The following MDGA2 variants were observed in gnomAD, a reference collection of about 807,000 sequenced individuals.
The protein encoded by MDGA2 is MAM domain containing glycosylphosphatidylinositol anchor 2, also known as MAM domain-containing glycosylphosphatidylinositol anchor protein 2.
Under a neutral mutation model 117.8 loss-of-function variants are expected in MDGA2, and 40 were observed. The ratio of observed to expected loss-of-function variants is 0.34; its 90% CI spans 0.26 to 0.44. The LOEUF is 0.44. Among genes scored for constraint, MDGA2 ranks in the 20% least tolerant of loss-of-function variants. The pLI is 1.00. For missense variants in MDGA2, 1,123 were observed against 1,250.6 expected (o/e 0.90, Z 1.54); for synonymous variants, 452 against 439.0 (o/e 1.03, Z -0.37).
intron 1 of MDGA2, among the ~76,000 whole-genome samples, chr14:47,475,002 A>T (rs775421642): frequency 6.6e-6 from 1 of 152,228 alleles, no homozygotes; most frequent in Non-Finnish European, 1.5e-5. Flanking sequence ...TAAACTAAAG[A>T]GTTCCTGCAC....
chr14:47,293,007 GA>G (rs1888941412), intron 2 of MDGA2, among the ~76,000 whole-genome samples: 1 of 152,096 alleles, frequency 6.6e-6, no homozygotes, highest in African/African-American at 2.4e-5. Context: ...TGCCATTTCT[GA>G]AAATGGCAGT....
intron 1 of MDGA2, among the ~76,000 whole-genome samples, chr14:47,659,125 C>T (rs775496808): frequency 6.6e-6 from 1 of 152,170 alleles, no homozygotes; most frequent in Non-Finnish European, 1.5e-5. Context: ...AATCCTATCA[C>T]CCTGCTATGT....
intron 1 of MDGA2, among the ~76,000 whole-genome samples, chr14:47,333,965 T>G (rs1890367250): frequency 6.6e-6 from 1 of 151,842 alleles, no homozygotes; most frequent in African/African-American, 2.4e-5. Context: ...GTTCAGATAT[T>G]TCCTCTAGGA....
chr14:47,669,879 T>C (rs1259662082), intron 1 of MDGA2, among the ~76,000 whole-genome samples: 3 of 152,132 alleles, frequency 2.0e-5, no homozygotes, highest in Admixed American at 2.0e-4. Context: ...ATAATCAATA[T>C]ACCTTCGGAT....
chr14:47,131,402 G>A (rs1882198270), intron 5 of MDGA2, among the ~76,000 whole-genome samples: 1 of 151,884 alleles, frequency 6.6e-6, no homozygotes, highest in Non-Finnish European at 1.5e-5. Context: ...ATTTTTATAT[G>A]TAGAATCTAG....
chr14:47,140,041 C>G (rs1224645959), intron 4 of MDGA2, among the ~76,000 whole-genome samples: 2 of 151,616 alleles, frequency 1.3e-5, no homozygotes, highest in African/African-American at 4.8e-5. Flanking sequence ...TCATAGATGG[C>G]TTCTCTGAGA....
chr14:47,022,163 C>A (rs1483939806), intron 8 of MDGA2, among the ~76,000 whole-genome samples: 2 of 152,084 alleles, frequency 1.3e-5, no homozygotes, highest in East Asian at 3.9e-4. Context: ...CGGCTCACTG[C>A]AGCCCTGACC....
intron 14 of MDGA2, among the ~76,000 whole-genome samples, chr14:46,860,075 C>T (rs574037103): frequency 1.3e-5 from 2 of 152,140 alleles, no homozygotes; most frequent in South Asian, 2.1e-4. Flanking sequence ...CATAAGACCA[C>T]ATGTATGCAT....
chr14:47,665,162 AT>A (rs1302512842), intron 1 of MDGA2, among the ~76,000 whole-genome samples: 15 of 136,332 alleles, frequency 1.1e-4, no homozygotes, highest in African/African-American at 4.2e-4. Flanking sequence ...TTCCTTCTTT[AT>A]CTATATTATG....
At chr14:47,466,426 G>A (rs1372622221) in intron 1 of MDGA2, among the ~76,000 whole-genome samples, 9 of 152,174 alleles carry the variant, frequency 5.9e-5, no homozygotes, top group African/African-American at 2.2e-4. Flanking sequence ...CGAATTGACA[G>A]ATGGAGAGAG....
At chr14:47,494,409 C>G (rs575118788) in intron 1 of MDGA2, among the ~76,000 whole-genome samples, 73 of 152,276 alleles carry the variant, frequency 4.8e-4, no homozygotes, top group African/African-American at 1.7e-3. Context: ...GCTACATTCC[C>G]TCAAAGCATG....
chr14:47,031,742 G>C (rs951365912), intron 8 of MDGA2, among the ~76,000 whole-genome samples: 1 of 152,100 alleles, frequency 6.6e-6, no homozygotes, highest in East Asian at 1.9e-4. Context: ...CTGCCATTGC[G>C]ATAGGATAGT....
intron 7 of MDGA2, among the ~76,000 whole-genome samples, chr14:47,049,764 C>T (rs1889390429): frequency 6.6e-6 from 1 of 151,956 alleles, no homozygotes; most frequent in Admixed American, 6.6e-5. Context: ...CAGTGGCAGT[C>T]TTCTCTTTTC....
In MDGA2 at chr14:47,255,164, G is replaced by A. The variant is rs535283688; in HGVS notation, c.421-36969C>T. On this transcript the variant is annotated intron_variant, in intron 2 of 16. Transcript: ENST00000399232. ...TAATTTTGCAAGAAAACAGAAAACA[G>A]AATTCTGAAAGGTTGAAGTATCTAA... Among the ~76,000 whole-genome samples, 5 of 152,232 alleles carry A rather than the reference G, an allele frequency of 3.3e-5. No homozygotes were observed. In the East Asian group the frequency reaches 9.6e-4, roughly 29 times the overall value.
At chr14:47,501,507 C>A (rs781466463) in intron 1 of MDGA2, among the ~76,000 whole-genome samples, 1 of 152,068 alleles carries the variant, frequency 6.6e-6, no homozygotes. Context: ...AACTGTGTCA[C>A]CCCAAAATGA....
intron 1 of MDGA2, among the ~76,000 whole-genome samples, chr14:47,398,161 C>G (rs1256026601): frequency 2.0e-5 from 3 of 152,170 alleles, no homozygotes; most frequent in East Asian, 3.8e-4. Flanking sequence ...TACCATGATA[C>G]TATACGGCTC....
chr14:47,215,738 G>A (rs1886062761), intron 3 of MDGA2, among the ~76,000 whole-genome samples: 1 of 152,118 alleles, frequency 6.6e-6, no homozygotes, highest in African/African-American at 2.4e-5. Context: ...TTTATTTATA[G>A]AGTATAGAAC....
intron 3 of MDGA2, among the ~76,000 whole-genome samples, chr14:47,173,357 C>A (rs1411839976): frequency 2.0e-5 from 3 of 151,992 alleles, no homozygotes; most frequent in Admixed American, 2.0e-4. Flanking sequence ...TCAGATTCAC[C>A]AAAGTTGAAA....
intron 9 of MDGA2, among the ~76,000 whole-genome samples, chr14:46,929,186 T>C (rs923162883): frequency 7.9e-5 from 12 of 152,132 alleles, no homozygotes; most frequent in Non-Finnish European, 1.5e-4. Context: ...TTGACCTGTC[T>C]GACGAATTGT....
Sources: allele counts gnomAD v4.1 joint callset (sites outside exome capture counted in the v4.1 genomes callset), GRCh38; gene constraint gnomAD v4.1.1; transcripts MANE v1.5; gene names NCBI Gene and HGNC (gene_info 2026-07-23, HGNC 2026-07-21).